SLIT2: variants seen among roughly 807,000 people sequenced by gnomAD.
The protein encoded by SLIT2 is slit homolog 2 protein.
In SLIT2, 41 loss-of-function variants were observed where a neutral mutation model predicts 185.7. The ratio of observed to expected loss-of-function variants is 0.22; its 90% CI spans 0.17 to 0.29. The LOEUF (loss-of-function observed/expected upper bound fraction) is 0.29. Ranked by LOEUF, SLIT2 falls within the 10% of genes least tolerant of loss-of-function variation. The pLI is 1.00. For synonymous variants in SLIT2, 693 were observed against 680.2 expected (o/e 1.02, Z -0.29); for missense variants, 1,571 against 1,909.0 (o/e 0.82, Z 3.30).
intron 30 of SLIT2, among the ~76,000 whole-genome samples, chr4:20,594,263 G>A (rs6841394): frequency 0.92 from 137,561 of 149,872 alleles, 63,204 homozygotes; most frequent in East Asian, 0.99. Flanking sequence ...ATACATACAC[G>A]CATATGTATG....
intron 3 of SLIT2, among the ~76,000 whole-genome samples, chr4:20,264,492 A>G (rs563266427): frequency 6.6e-6 from 1 of 151,992 alleles, no homozygotes; most frequent in East Asian, 1.9e-4. Context: ...TTACGTTTTG[A>G]ATTAGATGGA....
intron 4 of SLIT2, among the ~76,000 whole-genome samples, chr4:20,342,745 A>G (rs1577466786): frequency 3.7e-5 from 1 of 27,118 alleles, no homozygotes; most frequent in Non-Finnish European, 6.7e-5. Flanking sequence ...TTTTTTTTGC[A>G]CAAATACACG....
At chr4:20,595,142 A>G (rs888065879) in intron 30 of SLIT2, among the ~76,000 whole-genome samples, 1 of 152,220 alleles carries the variant, frequency 6.6e-6, no homozygotes, top group African/African-American at 2.4e-5. Context: ...CCGTTCTTCT[A>G]TAATGAGTAT....
At chr4:20,296,969 T>A (rs1446732821) in intron 4 of SLIT2, among the ~76,000 whole-genome samples, 1 of 152,224 alleles carries the variant, frequency 6.6e-6, no homozygotes, top group Non-Finnish European at 1.5e-5. Flanking sequence ...ACACATTATG[T>A]TATGCGCAAT....
At chr4:20,472,273 T>TATCTATATAG (rs1715188504) in intron 5 of SLIT2, among the ~76,000 whole-genome samples, 3 of 35,004 alleles carry the variant, frequency 8.6e-5, no homozygotes, top group African/African-American at 5.7e-4. Flanking sequence ...TATAGATATA[T>TATCTATATAG]ATCTATATAT....
chr4:20,556,979 A>C (rs1321601908), intron 26 of SLIT2, among the ~76,000 whole-genome samples: 1 of 152,104 alleles, frequency 6.6e-6, no homozygotes, highest in Non-Finnish European at 1.5e-5. Context: ...AATTCCTTTA[A>C]ACAAAACCCT....
intron 4 of SLIT2, among the ~76,000 whole-genome samples, chr4:20,291,325 A>T (rs550884035): frequency 6.6e-6 from 1 of 151,116 alleles, no homozygotes; most frequent in African/African-American, 2.4e-5. Context: ...CTTTTTAGTG[A>T]TCTTATCACT....
chr4:20,413,106 A>G (rs181018943), intron 4 of SLIT2, among the ~76,000 whole-genome samples: 106 of 152,180 alleles, frequency 7.0e-4, no homozygotes, highest in African/African-American at 2.4e-3. Context: ...ATGAAAATGA[A>G]TGTTTTCCAT....
At chr4:20,527,795 A>T (rs1425054524) in intron 15 of SLIT2, among the ~76,000 whole-genome samples, 1 of 152,200 alleles carries the variant, frequency 6.6e-6, no homozygotes, top group East Asian at 1.9e-4. Context: ...TATGTATATT[A>T]ATCTTAATTG....
rs568739936 is a variant in SLIT2, at chr4:20,618,900, C to T, written c.4481C>T (p.Pro1494Leu). 2.5e-6 allele frequency: 4 copies of T among 1,614,058 alleles called. No homozygotes were observed. Among genetic ancestry groups the T allele is most frequent in the Admixed American group, 1.7e-5 (1 of 60,012 alleles). The stretch of plus-strand genomic sequence containing the variant: ...TGTGCAGGAGGGCAGTGCTGTGGAC[C>T]GCTGAGGAGCAAGCGGCGGAAATAC... ...GGCAGGQCCGPLRSKRRKYSF... is the reference protein window; with the variant it reads ...GGCAGGQCCGLLRSKRRKYSF... Residue 1494 changes from proline (P) to leucine (L), a missense_variant, in exon 37 of 37, where the codon CCG becomes CTG. By Grantham distance (98) the Pro-to-Leu change is moderately conservative. This residue lies in a region of SLIT2 where 223 missense variants were observed against 245.2 expected (regional missense o/e 0.91). Transcript: ENST00000504154.
At chr4:20,612,017 T>G (rs1282463734) in intron 34 of SLIT2, among the ~76,000 whole-genome samples, 1 of 152,110 alleles carries the variant, frequency 6.6e-6, no homozygotes, top group Admixed American at 6.6e-5. Flanking sequence ...TTTTATTATG[T>G]TTTCATTAGA....
chr4:20,477,817 G>T (rs1716278629), intron 5 of SLIT2, among the ~76,000 whole-genome samples: 1 of 152,152 alleles, frequency 6.6e-6, no homozygotes, highest in African/African-American at 2.4e-5. Flanking sequence ...AAGTGAAAAA[G>T]TCTCCTCTGG....
intron 30 of SLIT2, among the ~76,000 whole-genome samples, chr4:20,591,212 A>C (rs972632333): frequency 1.3e-5 from 2 of 152,140 alleles, no homozygotes; most frequent in African/African-American, 4.8e-5. Context: ...CATAGAATTC[A>C]GGGAATTAAC....
chr4:20,350,779 G>A (rs527995447), intron 4 of SLIT2, among the ~76,000 whole-genome samples: 7 of 152,044 alleles, frequency 4.6e-5, no homozygotes, highest in Non-Finnish European at 1.0e-4. Flanking sequence ...ATCACTTGAG[G>A]CCACGAGTTT....
intron 8 of SLIT2, chr4:20,489,929 A>G (rs898375539): frequency 1.3e-5 from 2 of 152,118 alleles, no homozygotes; most frequent in African/African-American, 4.8e-5. Context: ...TCTATTAAAA[A>G]TACAAAAAAT....
chr4:20,604,790 G>T (rs1159815209), intron 33 of SLIT2, among the ~76,000 whole-genome samples: 1 of 151,866 alleles, frequency 6.6e-6, no homozygotes, highest in Non-Finnish European at 1.5e-5. Flanking sequence ...GTTGAGTTTG[G>T]GTTCCAGTTC....
At position 20,460,615 on chromosome 4, in the gene SLIT2, G is replaced by A. The variant is rs140220786; in HGVS notation, c.396-7137G>A. On this transcript the variant is annotated intron_variant, in intron 4 of 36. Transcript: ENST00000504154. ...TGTAAATAGCTATTATTTGACCAACGTCTCCCCAACCTGCTTCACCTTAAC... is the reference window on the plus strand; with the variant it reads ...TGTAAATAGCTATTATTTGACCAACATCTCCCCAACCTGCTTCACCTTAAC... Among the ~76,000 whole-genome samples, 151 of 152,138 alleles carry A rather than the reference G, an allele frequency of 9.9e-4. 2 individuals carry two copies. The highest frequency in any genetic ancestry group is 3.4e-3 in the Middle Eastern group (1 of 294).
chr4:20,285,623 A>G (rs1372500801), intron 4 of SLIT2, among the ~76,000 whole-genome samples: 3 of 152,088 alleles, frequency 2.0e-5, no homozygotes, highest in Non-Finnish European at 4.4e-5. Flanking sequence ...ATCTCAGCTC[A>G]CTGCAACCTA....
chr4:20,354,369 A>G (rs1163331181), intron 4 of SLIT2, among the ~76,000 whole-genome samples: 3 of 152,126 alleles, frequency 2.0e-5, no homozygotes, highest in East Asian at 1.9e-4. Context: ...CATTTGAGAA[A>G]ACCTTGGAGG....
Sources: gnomAD v4.1 joint callset for allele counts (sites outside exome capture counted in the v4.1 genomes callset) on GRCh38, gnomAD v4.1.1 for gene constraint, gnomAD v4.1.1 regional missense constraint, MANE v1.5 for transcripts, NCBI Gene and HGNC (gene_info 2026-07-23, HGNC 2026-07-21) for gene names.